The following GSE1 variants were observed in gnomAD, a reference collection of about 807,000 sequenced individuals.
The protein encoded by GSE1 is genetic suppressor element 1.
Under a neutral mutation model 112.6 loss-of-function variants are expected in GSE1, and 32 were observed. The ratio of observed to expected loss-of-function variants is 0.28; its 90% confidence interval spans 0.21 to 0.38. GSE1 has a LOEUF of 0.38. Ranked by LOEUF, GSE1 falls within the 10% of genes least tolerant of loss-of-function variation. The pLI, the probability that GSE1 is intolerant of heterozygous loss-of-function variation, is 1.00. For synonymous variants in GSE1, 1,115 were observed against 735.6 expected, an observed-to-expected ratio of 1.52 and a Z score of -8.35; for missense variants, 2,348 against 1,699.2, an observed-to-expected ratio of 1.38 and a Z score of -6.71.
intron 2 of GSE1, among the ~76,000 whole-genome samples, chr16:85,501,868 C>T (rs963131287): frequency 2.0e-5 from 3 of 152,228 alleles, no homozygotes; most frequent in African/African-American, 7.2e-5. Flanking sequence ...ACAACAGTTG[C>T]AGACTGGATC....
chr16:85,515,270 C>G (rs539679656), intron 2 of GSE1, among the ~76,000 whole-genome samples: 1 of 152,206 alleles, frequency 6.6e-6, no homozygotes, highest in East Asian at 1.9e-4. Context: ...GTCCTGCACT[C>G]CAGCCCGGAG....
chr16:85,496,881 C>G (rs544738987), intron 2 of GSE1, among the ~76,000 whole-genome samples: 80 of 150,212 alleles, frequency 5.3e-4, no homozygotes, highest in African/African-American at 1.9e-3. Context: ...CCACGTGCCC[C>G]CTTTTGGTCT....
intron 1 of GSE1, among the ~76,000 whole-genome samples, chr16:85,259,418 C>T (rs1305488638): frequency 1.3e-5 from 2 of 152,220 alleles, no homozygotes; most frequent in Non-Finnish European, 2.9e-5. Flanking sequence ...TGTAAAGAGG[C>T]CAAGGATCCA....
chr16:85,450,614 A>T (rs189057034), intron 2 of GSE1, among the ~76,000 whole-genome samples: 1 of 149,432 alleles, frequency 6.7e-6, no homozygotes, highest in Non-Finnish European at 1.5e-5. Context: ...ATGCCCAGCT[A>T]CTTTTTTTGT....
At chr16:85,652,947 A>G (rs983455040) in intron 3 of GSE1, among the ~76,000 whole-genome samples, 5 of 151,766 alleles carry the variant, frequency 3.3e-5, no homozygotes, top group African/African-American at 4.8e-5. Context: ...ACATGGCCAG[A>G]TGGAACGTGA....
At chr16:85,588,454 GC>G (rs1298441310) in intron 1 of GSE1, among the ~76,000 whole-genome samples, 2 of 152,248 alleles carry the variant, frequency 1.3e-5, no homozygotes, top group Middle Eastern at 3.4e-3. Flanking sequence ...CCCTGAAAGA[GC>G]CCCCCACATC....
rs754872499 is a variant in GSE1 at position 85,661,378 on chromosome 16, G to A, written c.1873G>A (p.Val625Met). The change falls in exon 9 of 16, where the codon GTG becomes ATG. Residue 625 changes from valine (V) to methionine (M), a missense_variant. Coordinates refer to ENST00000253458, the MANE Select transcript of GSE1 (RefSeq NM_014615.5). The part of the protein sequence containing the change: ...SRQAAVPLVK[V>M]ERVFCPEKAE... ...CCAGGCAGCCGTGCCGCTGGTGAAG[G>A]TGGAGCGGGTCTTCTGCCCGGAGAA... is the stretch of plus-strand genomic sequence containing the variant. The A allele has an allele frequency of 1.1e-5, 18 of 1,612,272 alleles. No homozygotes were observed. The highest frequency in any genetic ancestry group is 2.2e-5 in the East Asian group (1 of 44,876).
chr16:85,228,797 T>G (rs2075533132), intron 1 of GSE1, among the ~76,000 whole-genome samples: 1 of 152,166 alleles, frequency 6.6e-6, no homozygotes, highest in South Asian at 2.1e-4. Flanking sequence ...GCAGAAAGCA[T>G]CTTCTCAGAA....
intron 2 of GSE1, among the ~76,000 whole-genome samples, chr16:85,481,989 G>A (rs771591094): frequency 3.9e-5 from 6 of 152,234 alleles, no homozygotes; most frequent in African/African-American, 9.6e-5. Context: ...CGATGCCCTC[G>A]CCGGGACTAC....
intron 1 of GSE1, among the ~76,000 whole-genome samples, chr16:85,619,833 G>T (rs1239983940): frequency 6.6e-6 from 1 of 152,128 alleles, no homozygotes. Flanking sequence ...GGAAGAAAGG[G>T]GCCCCGGGGA....
intron 1 of GSE1, among the ~76,000 whole-genome samples, chr16:85,266,039 G>A (rs74031753): frequency 0.028 from 4,248 of 152,246 alleles, 205 homozygotes; most frequent in African/African-American, 0.098. Flanking sequence ...TTCAGGCCGC[G>A]GCGCTGGGCT....
rs562938617 is a variant in GSE1, at chr16:85,424,658, T to C, written c.2464+67015T>C. On this transcript the variant is annotated intron_variant, in intron 2 of 2. Coordinates refer to the GSE1 transcript ENST00000637419. ...AAAGTAATTATTACAAACAGGCTGC[T>C]TGGGAACACCTGCTCCCGCCGTCCC... 8.9e-4 allele frequency among the ~76,000 whole-genome samples: 136 copies of C among 152,356 alleles called. 1 individual carries two copies. The highest frequency in any genetic ancestry group is 3.1e-3 in the African/African-American group (131 of 41,592).
At chr16:85,518,256 G>A (rs754980239) in intron 2 of GSE1, among the ~76,000 whole-genome samples, 2 of 152,202 alleles carry the variant, frequency 1.3e-5, no homozygotes, top group Non-Finnish European at 2.9e-5. Flanking sequence ...TGGGTGTGAG[G>A]GCCCAAGAGA....
intron 1 of GSE1, among the ~76,000 whole-genome samples, chr16:85,273,319 A>G (rs753675258): frequency 1.2e-4 from 18 of 152,254 alleles, no homozygotes; most frequent in Non-Finnish European, 1.9e-4. Flanking sequence ...TCCCCAGTCA[A>G]TCTGACCTTA....
At chr16:85,390,560 T>C (rs2151643780) in intron 2 of GSE1, among the ~76,000 whole-genome samples, 1 of 152,180 alleles carries the variant, frequency 6.6e-6, no homozygotes, top group Non-Finnish European at 1.5e-5. Context: ...GGTGTCGGGC[T>C]TTATGTCTGC....
At chr16:85,235,883 C>A (rs1035385190) in intron 1 of GSE1, among the ~76,000 whole-genome samples, 3 of 151,924 alleles carry the variant, frequency 2.0e-5, no homozygotes, top group Admixed American at 6.6e-5. Flanking sequence ...GCGGCGCCCG[C>A]GCCCCGCCCC....
intron 2 of GSE1, among the ~76,000 whole-genome samples, chr16:85,506,533 G>C (rs754711390): frequency 3.9e-5 from 6 of 152,230 alleles, no homozygotes; most frequent in Non-Finnish European, 7.4e-5. Context: ...ACGATCAGGG[G>C]AGCTTCTGGA....
At chr16:85,481,364 AG>A (rs1463988687) in intron 2 of GSE1, among the ~76,000 whole-genome samples, 1 of 152,194 alleles carries the variant, frequency 6.6e-6, no homozygotes, top group African/African-American at 2.4e-5. Context: ...GGGAAGAGGC[AG>A]GGGTTAACTC....
chr16:85,481,442 G>A (rs1336905657), intron 2 of GSE1, among the ~76,000 whole-genome samples: 5 of 152,208 alleles, frequency 3.3e-5, no homozygotes, highest in African/African-American at 1.2e-4. Flanking sequence ...CTAGAAGGAG[G>A]TGGTAGGGAG....
Sources: allele counts gnomAD v4.1 joint callset (sites outside exome capture counted in the v4.1 genomes callset), GRCh38; gene constraint gnomAD v4.1.1; transcripts MANE v1.5; gene names NCBI Gene and HGNC (gene_info 2026-07-23, HGNC 2026-07-21).